The following C8orf34 variants were observed in gnomAD, a reference collection of about 807,000 sequenced individuals.
C8orf34 encodes the protein uncharacterized protein C8orf34.
Under a neutral mutation model 68.3 loss-of-function variants are expected in C8orf34, and 65 were observed. The observed-to-expected ratio is 0.95, with a 90% CI of 0.78 to 1.17. C8orf34 has a LOEUF of 1.17. C8orf34 is among the 50% of genes most tolerant of loss of function. The pLI is 0.00. For missense variants in C8orf34, 664 were observed against 655.4 expected, an observed-to-expected ratio of 1.01 and a Z score of -0.14; for synonymous variants, 244 against 241.2, an observed-to-expected ratio of 1.01 and a Z score of -0.11.
chr8:68,550,473 G>T (rs1816028815), intron 7 of C8orf34, among the ~76,000 whole-genome samples: 1 of 151,586 alleles, frequency 6.6e-6, no homozygotes, highest in South Asian at 2.1e-4. Context: ...ATACATTGTT[G>T]CTATTATTTT....
At chr8:68,397,811 C>T (rs1808781555) in intron 1 of C8orf34, among the ~76,000 whole-genome samples, 1 of 152,074 alleles carries the variant, frequency 6.6e-6, no homozygotes, top group African/African-American at 2.4e-5. Context: ...CTCTGTTGCC[C>T]AGTCTTAAGT....
chr8:68,491,851 T>G (rs1813327751), intron 5 of C8orf34, among the ~76,000 whole-genome samples: 1 of 152,222 alleles, frequency 6.6e-6, no homozygotes, highest in Non-Finnish European at 1.5e-5. Flanking sequence ...CAAATGGTAG[T>G]ACCTTTTATA....
chr8:68,538,038 A>G (rs986120301), intron 7 of C8orf34, among the ~76,000 whole-genome samples: 5 of 152,194 alleles, frequency 3.3e-5, no homozygotes, highest in African/African-American at 1.2e-4. Context: ...CAAATTATTG[A>G]CAAATGCCTT....
intron 10 of C8orf34, among the ~76,000 whole-genome samples, chr8:68,743,530 C>T (rs115934617): frequency 0.061 from 9,217 of 152,164 alleles, 373 homozygotes; most frequent in Middle Eastern, 0.11. Context: ...GTGCGCACAC[C>T]GTGCGCAAGC....
intron 3 of C8orf34, among the ~76,000 whole-genome samples, chr8:68,460,516 T>C (rs1045140885): frequency 2.0e-5 from 3 of 152,246 alleles, no homozygotes; most frequent in Non-Finnish European, 4.4e-5. Context: ...CCCTGACCCC[T>C]GAGCAGCCTA....
At chr8:68,557,393 G>A (rs1044479814) in intron 7 of C8orf34, among the ~76,000 whole-genome samples, 2 of 152,118 alleles carry the variant, frequency 1.3e-5, no homozygotes, top group Admixed American at 1.3e-4. Flanking sequence ...AAAACTGTTT[G>A]TAGTTTTAAA....
At position 68,487,964 on chromosome 8, in the gene C8orf34, A is replaced by G. The variant is rs75147439; in HGVS notation, c.737-59A>G. 6,574 of 1,146,262 alleles carry G rather than the reference A, an allele frequency of 5.7e-3. 259 individuals are homozygous for G. In the African/African-American group the frequency reaches 0.088, roughly 15 times the overall value. 71.0% of individuals were successfully genotyped at this position (1,146,262 alleles called of 1,614,324 possible). A position where few individuals can be genotyped will look rare whatever the true frequency, so the allele number is the denominator to read the frequency against. ...TACAAATAGAAAGTTTGTTTTGAACATTAGGTTACTAAAGATTGCTTCTAA... is the reference window on the plus strand; with the variant it reads ...TACAAATAGAAAGTTTGTTTTGAACGTTAGGTTACTAAAGATTGCTTCTAA... On this transcript the variant is annotated intron_variant, in intron 4 of 13. Coordinates refer to ENST00000518698, the MANE Select transcript of C8orf34 (RefSeq NM_052958.4).
intron 1 of C8orf34, among the ~76,000 whole-genome samples, chr8:68,415,743 G>T (rs887158346): frequency 1.3e-5 from 2 of 152,156 alleles, no homozygotes; most frequent in Non-Finnish European, 2.9e-5. Context: ...GCTCAAATCC[G>T]AGACTTGATC....
At chr8:68,673,568 G>T (rs1820086429) in intron 8 of C8orf34, among the ~76,000 whole-genome samples, 1 of 152,178 alleles carries the variant, frequency 6.6e-6, no homozygotes, top group Non-Finnish European at 1.5e-5. Flanking sequence ...AAACAGAAGA[G>T]AAGATTGGGA....
chr8:68,355,440 T>C (rs905549930), intron 1 of C8orf34, among the ~76,000 whole-genome samples: 1 of 152,172 alleles, frequency 6.6e-6, no homozygotes, highest in African/African-American at 2.4e-5. Flanking sequence ...CTGTGAGGAA[T>C]TTATGAGGTG....
At chr8:68,442,790 A>G (rs1441043255) in intron 2 of C8orf34, among the ~76,000 whole-genome samples, 1 of 152,238 alleles carries the variant, frequency 6.6e-6, no homozygotes, top group Non-Finnish European at 1.5e-5. Context: ...GCAAGGAAGT[A>G]TGAAGCTTAA....
At chr8:68,672,383 T>A (rs1305284532) in intron 8 of C8orf34, among the ~76,000 whole-genome samples, 2 of 152,182 alleles carry the variant, frequency 1.3e-5, no homozygotes, top group Non-Finnish European at 2.9e-5. Context: ...GAAAGAGTCT[T>A]CAATTGCCAA....
At position 68,337,368 on chromosome 8, in the gene C8orf34, G is replaced by A. The variant is rs565966533; in HGVS notation, c.327+6029G>A. ...ATGTATAACCTGAACTGAATAATGAGAAAATATCTTATAAAGCTAATAGAG... is the reference window on the plus strand; with the variant it reads ...ATGTATAACCTGAACTGAATAATGAAAAAATATCTTATAAAGCTAATAGAG... On this transcript the variant is annotated intron_variant, in intron 1 of 13. Coordinates refer to ENST00000518698, the MANE Select transcript of C8orf34 (RefSeq NM_052958.4). 8.5e-4 allele frequency among the ~76,000 whole-genome samples: 130 copies of A among 152,188 alleles called. 1 individual carries two copies. The highest frequency in any genetic ancestry group is 2.9e-3 in the African/African-American group (122 of 41,532).
intron 10 of C8orf34, among the ~76,000 whole-genome samples, chr8:68,726,156 G>A (rs545748619): frequency 1.4e-4 from 22 of 152,222 alleles, no homozygotes; most frequent in African/African-American, 4.6e-4. Flanking sequence ...TGATCCGCCC[G>A]CCTCGGCCTC....
At chr8:68,697,574 G>A (rs1820872672) in intron 8 of C8orf34, among the ~76,000 whole-genome samples, 2 of 151,962 alleles carry the variant, frequency 1.3e-5, no homozygotes, top group African/African-American at 4.8e-5. Flanking sequence ...CATCCCTAAT[G>A]TTATGCTTGC....
intron 10 of C8orf34, 88 bp downstream of exon 10, chr8:68,721,525 C>T: frequency 2.3e-6 from 2 of 884,884 alleles, no homozygotes; most frequent in South Asian, 1.6e-5. Flanking sequence ...ATAATAAAGC[C>T]AGCTTTCTTA....
intron 1 of C8orf34, among the ~76,000 whole-genome samples, chr8:68,359,652 C>G (rs1047274469): frequency 1.3e-5 from 2 of 152,186 alleles, no homozygotes; most frequent in African/African-American, 4.8e-5. Flanking sequence ...CCACCCCTCT[C>G]TCTTTTTAAG....
chr8:68,643,786 T>G (rs1819085072), intron 8 of C8orf34, among the ~76,000 whole-genome samples: 1 of 152,094 alleles, frequency 6.6e-6, no homozygotes, highest in South Asian at 2.1e-4. Context: ...GCACAAACAT[T>G]CAGACCATAC....
chr8:68,361,500 A>T (rs1296808973), intron 1 of C8orf34, among the ~76,000 whole-genome samples: 1 of 152,228 alleles, frequency 6.6e-6, no homozygotes, highest in Non-Finnish European at 1.5e-5. Context: ...ATGTGCCACT[A>T]TATCTACCAC....
Sources: allele counts gnomAD v4.1 joint callset (sites outside exome capture counted in the v4.1 genomes callset), GRCh38; gene constraint gnomAD v4.1.1; transcripts MANE v1.5; gene names NCBI Gene and HGNC (gene_info 2026-07-23, HGNC 2026-07-21).